Variants in ST6GALNAC5 observed in about 807,000 individuals in gnomAD.
ST6GALNAC5 encodes the protein ST6 N-acetylgalactosaminide alpha-2,6-sialyltransferase 5.
Under a neutral mutation model 33.6 loss-of-function variants are expected in ST6GALNAC5, and 27 were observed. The ratio of observed to expected loss-of-function variants is 0.80; its 90% confidence interval spans 0.59 to 1.11. The LOEUF is 1.11. ST6GALNAC5 is among the 50% of genes least tolerant of loss of function. The probability of loss-of-function intolerance (pLI) is 0.00; values close to 1 mark genes in which losing one functional copy is unlikely to be tolerated. For synonymous variants in ST6GALNAC5, 194 were observed against 171.2 expected (o/e 1.13, Z -1.04); for missense variants, 428 against 454.0 (o/e 0.94, Z 0.52).
At chr1:76,901,500 T>C (rs984354186) in intron 2 of ST6GALNAC5, among the ~76,000 whole-genome samples, 2 of 152,182 alleles carry the variant, frequency 1.3e-5, no homozygotes, top group Non-Finnish European at 2.9e-5. Flanking sequence ...TTTTAGTGCT[T>C]TTATTACAAG....
rs1570673345 is a variant in ST6GALNAC5, at chr1:76,920,087, A to G, written c.261+51345A>G. ...ATGTGTTATATTCATCTTTCTGGTGATGACTTTATTTCACATGTAAATTAG... is the reference window on the plus strand; with the variant it reads ...ATGTGTTATATTCATCTTTCTGGTGGTGACTTTATTTCACATGTAAATTAG... On this transcript the variant is annotated intron_variant, in intron 2 of 4. Transcript: ENST00000477717. 5.3e-5 allele frequency among the ~76,000 whole-genome samples: 8 copies of G among 152,278 alleles called. No individual in the cohort carries two copies. In the South Asian group the frequency reaches 1.7e-3, roughly 32 times the overall value.
chr1:77,024,183 G>A (rs189758286), intron 2 of ST6GALNAC5, among the ~76,000 whole-genome samples: 1 of 152,136 alleles, frequency 6.6e-6, no homozygotes, highest in Non-Finnish European at 1.5e-5. Context: ...GAATGTTCTC[G>A]TAAGACCTTG....
chr1:76,894,712 G>A (rs1390341283), intron 2 of ST6GALNAC5, among the ~76,000 whole-genome samples: 6 of 152,164 alleles, frequency 3.9e-5, no homozygotes, highest in East Asian at 1.9e-4. Context: ...TACGTTGCAG[G>A]TGGTGGGTAT....
rs910323747 is a variant in ST6GALNAC5 at position 77,063,401 on chromosome 1, T to G, written c.*195T>G. The G allele has an allele frequency of 2.2e-4, 130 of 588,296 alleles. 1 individual carries two copies. Among genetic ancestry groups the G allele is most frequent in the Admixed American group, 4.8e-4 (16 of 33,478 alleles). 36.4% of individuals were successfully genotyped at this position (588,296 alleles called of 1,614,324 possible). A position where few individuals can be genotyped will look rare whatever the true frequency, so the allele number is the denominator to read the frequency against. ...AAGGAAAAATTCCGGAATTAATGCA[T>G]CCTAATGAATGTTGTCCCCTTCAAT... On this transcript the variant is annotated 3_prime_UTR_variant, in exon 5 of 5. Transcript: ENST00000477717.
intron 2 of ST6GALNAC5, among the ~76,000 whole-genome samples, chr1:76,970,827 G>T (rs1035473499): frequency 2.6e-5 from 4 of 152,118 alleles, no homozygotes; most frequent in Non-Finnish European, 4.4e-5. Flanking sequence ...GCTGGGGTCT[G>T]TTCATTTTCA....
At chr1:76,953,001 T>C (rs867202093) in intron 2 of ST6GALNAC5, among the ~76,000 whole-genome samples, 2 of 152,126 alleles carry the variant, frequency 1.3e-5, no homozygotes, top group Admixed American at 1.3e-4. Context: ...TAGTTTCGTC[T>C]ACATAGTTGC....
At chr1:76,981,703 C>G (rs1239443190) in intron 2 of ST6GALNAC5, among the ~76,000 whole-genome samples, 1 of 152,188 alleles carries the variant, frequency 6.6e-6, no homozygotes, top group East Asian at 1.9e-4. Flanking sequence ...CCCTGACCCC[C>G]TTGTAGCCTA....
intron 2 of ST6GALNAC5, among the ~76,000 whole-genome samples, chr1:76,954,105 G>A (rs958046969): frequency 6.6e-6 from 1 of 152,034 alleles, no homozygotes. Context: ...CATATGGATG[G>A]TTAGAAATGA....
intron 2 of ST6GALNAC5, among the ~76,000 whole-genome samples, chr1:76,887,874 AT>A (rs1396465751): frequency 1.3e-5 from 2 of 151,666 alleles, no homozygotes; most frequent in Non-Finnish European, 1.5e-5. Context: ...TCCTCCTAAG[AT>A]TTTTTTTCAT....
chr1:77,017,469 G>T (rs561870399), intron 2 of ST6GALNAC5, among the ~76,000 whole-genome samples: 1 of 152,298 alleles, frequency 6.6e-6, no homozygotes, highest in Non-Finnish European at 1.5e-5. Context: ...GGGCACGGGA[G>T]CATGGCCTCT....
chr1:76,926,640 G>A (rs908028318), intron 2 of ST6GALNAC5, among the ~76,000 whole-genome samples: 4 of 152,154 alleles, frequency 2.6e-5, no homozygotes, highest in Non-Finnish European at 2.9e-5. Context: ...TAATGCTTCA[G>A]TGAAGCTCCT....
intron 2 of ST6GALNAC5, among the ~76,000 whole-genome samples, chr1:76,883,564 A>G (rs1653830808): frequency 6.6e-6 from 1 of 152,178 alleles, no homozygotes. Flanking sequence ...TCCCCTTTGA[A>G]TACAGAGCAA....
chr1:76,894,902 G>A lies in ST6GALNAC5; in HGVS notation c.261+26160G>A, dbSNP rs35064837. Among the ~76,000 whole-genome samples the A allele has an allele frequency of 5.8e-4, 89 of 152,242 alleles. No individual in the cohort carries two copies. The South Asian group carries it at 7.3e-3, about 12-fold the overall frequency. On this transcript the variant is annotated intron_variant, in intron 2 of 4. Transcript: ENST00000477717. ...ACCTGGGTGCAGGTGGGCTGAGTCC[G>A]AAAACAGTCAGTGAAGGGAGATAAG...
At chr1:76,992,761 C>CTGGT (rs1281107420) in intron 2 of ST6GALNAC5, among the ~76,000 whole-genome samples, 1 of 152,164 alleles carries the variant, frequency 6.6e-6, no homozygotes, top group Non-Finnish European at 1.5e-5. Flanking sequence ...TTCCAAAGTG[C>CTGGT]TGGTATTACA....
intron 2 of ST6GALNAC5, among the ~76,000 whole-genome samples, chr1:76,936,953 G>GGGGTGTGTGTGTGTGTGT (rs138095164): frequency 1.4e-5 from 2 of 139,946 alleles, no homozygotes; most frequent in Non-Finnish European, 3.1e-5. Context: ...AGAGAAGCAG[G>GGGGTGTGTGTGTGTGTGT]GTGTGTGTGT....
chr1:77,062,041 A>G (rs1033057481), intron 4 of ST6GALNAC5, among the ~76,000 whole-genome samples: 1 of 152,216 alleles, frequency 6.6e-6, no homozygotes, highest in African/African-American at 2.4e-5. Context: ...AACTAAGATC[A>G]TCAACTTTCC....
intron 2 of ST6GALNAC5, among the ~76,000 whole-genome samples, chr1:77,008,622 T>C (rs1810510): frequency 0.81 from 122,475 of 151,964 alleles, 50,002 homozygotes; most frequent in East Asian, 0.92. Flanking sequence ...CTCTGCCTCC[T>C]GGGTTCAAGC....
chr1:76,982,016 A>G (rs1649274941), intron 2 of ST6GALNAC5, among the ~76,000 whole-genome samples: 1 of 152,228 alleles, frequency 6.6e-6, no homozygotes, highest in Non-Finnish European at 1.5e-5. Flanking sequence ...GGTAACCAAC[A>G]TCAAAGAACA....
chr1:76,978,102 C>A (rs554049282), intron 2 of ST6GALNAC5, among the ~76,000 whole-genome samples: 1 of 152,022 alleles, frequency 6.6e-6, no homozygotes, highest in Non-Finnish European at 1.5e-5. Context: ...TTGTCATATA[C>A]CTGTTGACTA....
Sources: allele counts gnomAD v4.1 joint callset (sites outside exome capture counted in the v4.1 genomes callset), GRCh38; gene constraint gnomAD v4.1.1; transcripts MANE v1.5; gene names NCBI Gene and HGNC (gene_info 2026-07-23, HGNC 2026-07-21).